Variants in DGKK observed in about 807,000 individuals in gnomAD.
DGKK encodes 142 kDa diacylglycerol kinase.
In DGKK, 35 loss-of-function variants were observed where a neutral mutation model predicts 92.2. The ratio of observed to expected loss-of-function variants is 0.38; its 90% CI spans 0.29 to 0.50. The LOEUF (loss-of-function observed/expected upper bound fraction) is 0.50. DGKK is among the 20% of genes least tolerant of loss of function. The pLI is 0.92. For missense variants in DGKK, 910 were observed against 992.2 expected (o/e 0.92, Z 1.11); for synonymous variants, 368 against 360.6 (o/e 1.02, Z -0.23).
intron 17 of DGKK, 66 bp from the exon 18 acceptor site, chrX:50,382,669 T>C: frequency 1.1e-6 from 1 of 895,411 alleles, no homozygotes; most frequent in Non-Finnish European, 1.6e-6. Context: ...CAATTGGGCA[T>C]GAAGATGAAT....
chrX:50,461,486 C>T (rs1177191047), intron 1 of DGKK, among the ~76,000 whole-genome samples: 2 of 112,314 alleles, frequency 1.8e-5, no homozygotes, highest in Non-Finnish European at 3.8e-5. Context: ...TTTTTAGAAG[C>T]TTTCTTGATT....
At chrX:50,452,240 C>T (rs782140608) in intron 1 of DGKK, among the ~76,000 whole-genome samples, 2 of 111,771 alleles carry the variant, frequency 1.8e-5, no homozygotes, top group Non-Finnish European at 3.8e-5. Flanking sequence ...CGCTATATTG[C>T]ACTGCAACTC....
At chrX:50,392,010 G>A (rs1410964779) in intron 10 of DGKK, among the ~76,000 whole-genome samples, 1 of 108,003 alleles carries the variant, frequency 9.3e-6, no homozygotes, top group Admixed American at 1.0e-4. Context: ...AAGAAAATCA[G>A]TGGGTTCAGG....
At chrX:50,411,346 A>G (rs1191808134) in intron 4 of DGKK, among the ~76,000 whole-genome samples, 1 of 112,572 alleles carries the variant, frequency 8.9e-6, no homozygotes, top group East Asian at 2.8e-4. Flanking sequence ...TTAAGAATAC[A>G]TAAAAAGAAT....
chrX:50,467,617 T>C (rs1053590410), intron 1 of DGKK, among the ~76,000 whole-genome samples: 33 of 112,608 alleles, frequency 2.9e-4, no homozygotes, highest in Non-Finnish European at 4.9e-4. Flanking sequence ...CACAGTTTTT[T>C]CCCCCCAAGC....
At chrX:50,388,050 G>T (rs1446297574) in intron 13 of DGKK, among the ~76,000 whole-genome samples, 2 of 112,306 alleles carry the variant, frequency 1.8e-5, no homozygotes, top group Non-Finnish European at 3.8e-5. Context: ...CTCTCCCTGT[G>T]GGAAGTTTTT....
chrX:50,447,381 ATAAT>A (rs1926370838), intron 1 of DGKK, among the ~76,000 whole-genome samples: 1 of 13,054 alleles, frequency 7.7e-5, no homozygotes, highest in African/African-American at 6.9e-4. Flanking sequence ...ATATATATAT[ATAAT>A]ATATATATAT....
intron 4 of DGKK, among the ~76,000 whole-genome samples, chrX:50,414,511 CATAA>C (rs1418742494): frequency 2.7e-5 from 3 of 110,911 alleles, no homozygotes; most frequent in Non-Finnish European, 5.7e-5. Flanking sequence ...AAAAATGAAA[CATAA>C]ATAAATAGCT....
chrX:50,379,022 A>G (rs1435551888), intron 20 of DGKK, among the ~76,000 whole-genome samples: 2 of 112,219 alleles, frequency 1.8e-5, no homozygotes, highest in Non-Finnish European at 3.8e-5. Context: ...CTTGGAGAAA[A>G]GAGCATGGCC....
chrX:50,469,078 C>G (rs1249382757), intron 1 of DGKK, among the ~76,000 whole-genome samples: 1 of 111,011 alleles, frequency 9.0e-6, no homozygotes, highest in Non-Finnish European at 1.9e-5. Flanking sequence ...AACACGAAAA[C>G]CTTTTTCCTC....
rs782412267 is a variant in DGKK, at chrX:50,470,306, G to T, written c.373C>A (p.Pro125Thr). 14 of 1,206,299 alleles carry T rather than the reference G, an allele frequency of 1.2e-5. No individual in the cohort carries two copies. The highest frequency in any genetic ancestry group is 5.3e-5 in the South Asian group (3 of 56,208). The change falls in exon 1 of 28, where the codon CCG (proline) becomes ACG (threonine). Residue 125 changes from proline (P) to threonine (T), a missense_variant. Coordinates refer to ENST00000611977, the MANE Select transcript of DGKK (RefSeq NM_001013742.4). Reference protein sequence around the residue: ...PEPATESAPEPTPEPALESVP... With the variant: ...PEPATESAPETTPEPALESVP... ...GACTCTAGGGCAGGTTCTGGAGTCG[G>T]CTCTGGGGCAGACTCTGTGGCAGGT...
chrX:50,459,614 A>G (rs1348020035), intron 1 of DGKK, among the ~76,000 whole-genome samples: 2 of 110,710 alleles, frequency 1.8e-5, no homozygotes, highest in African/African-American at 6.6e-5. Context: ...AAAAACAAAC[A>G]AAAAAAATGT....
intron 25 of DGKK, among the ~76,000 whole-genome samples, chrX:50,372,465 G>C (rs1431110535): frequency 8.9e-6 from 1 of 111,764 alleles, no homozygotes; most frequent in African/African-American, 3.3e-5. Context: ...GTAATTTAAA[G>C]GTTGTTTTGT....
chrX:50,460,945 T>A (rs781887138), intron 1 of DGKK, among the ~76,000 whole-genome samples: 17 of 110,704 alleles, frequency 1.5e-4, no homozygotes, highest in Non-Finnish European at 3.0e-4. Flanking sequence ...AAATTTAGAT[T>A]TTTTCCCTTT....
At chrX:50,443,704 TTGTGTGTGTG>T (rs58486620) in intron 1 of DGKK, among the ~76,000 whole-genome samples, 12 of 99,556 alleles carry the variant, frequency 1.2e-4, no homozygotes, top group African/African-American at 3.3e-4. Context: ...TGCACTCATT[TTGTGTGTGTG>T]TGTGTGTGTG....
At chrX:50,411,434 A>G (rs1925302308) in intron 4 of DGKK, among the ~76,000 whole-genome samples, 1 of 112,495 alleles carries the variant, frequency 8.9e-6, no homozygotes, top group Non-Finnish European at 1.9e-5. Context: ...AGTGTGATTC[A>G]CCATATCAAC....
intron 4 of DGKK, among the ~76,000 whole-genome samples, chrX:50,405,051 T>C (rs1557227105): frequency 9.0e-6 from 1 of 111,632 alleles, no homozygotes; most frequent in South Asian, 3.9e-4. Flanking sequence ...CAATAATCCA[T>C]TAAACAAATA....
intron 15 of DGKK, 141 bp from the exon 16 acceptor site, chrX:50,384,965 G>C: frequency 2.2e-6 from 1 of 454,637 alleles, no homozygotes; most frequent in South Asian, 4.0e-5. Context: ...TGTTTAGTTA[G>C]TGGGTAGATG....
chrX:50,424,804 T>G, intron 1 of DGKK, among the ~76,000 whole-genome samples: 1 of 111,714 alleles, frequency 9.0e-6, no homozygotes. Flanking sequence ...TTAGATCATG[T>G]TCCTTCCTTG....
Sources: gnomAD v4.1 joint callset for allele counts (sites outside exome capture counted in the v4.1 genomes callset) on GRCh38, gnomAD v4.1.1 for gene constraint, MANE v1.5 for transcripts, NCBI Gene and HGNC (gene_info 2026-07-23, HGNC 2026-07-21) for gene names.